Variants in CNTLN observed in about 807,000 individuals in gnomAD.
The protein encoded by CNTLN is centlein, centrosomal protein.
A neutral mutation model predicts 180.0 loss-of-function variants in CNTLN; 212 were observed. The ratio of observed to expected loss-of-function variants is 1.18; its 90% CI spans 1.05 to 1.32. CNTLN has a LOEUF of 1.32. Ranked by LOEUF, CNTLN falls within the 40% of genes most tolerant of loss-of-function variation. CNTLN has a pLI of 0.00. For synonymous variants in CNTLN, 722 were observed against 563.1 expected, an observed-to-expected ratio of 1.28 and a Z score of -3.99; for missense variants, 2,095 against 1,610.9, an observed-to-expected ratio of 1.30 and a Z score of -5.14.
chr9:17,491,439 T>C (rs1320233692), intron 25 of CNTLN, among the ~76,000 whole-genome samples: 3 of 152,162 alleles, frequency 2.0e-5, no homozygotes, highest in Non-Finnish European at 4.4e-5. Flanking sequence ...CATTAAAATA[T>C]GTATATATGT....
intron 6 of CNTLN, among the ~76,000 whole-genome samples, chr9:17,275,399 A>G (rs750724400): frequency 1.2e-4 from 18 of 152,258 alleles, no homozygotes; most frequent in Non-Finnish European, 2.1e-4. Context: ...ACATTTATCA[A>G]TGACAACATT....
At chr9:17,489,458 T>C (rs1833039947) in intron 25 of CNTLN, among the ~76,000 whole-genome samples, 1 of 152,124 alleles carries the variant, frequency 6.6e-6, no homozygotes, top group Non-Finnish European at 1.5e-5. Flanking sequence ...TTATGTCCTC[T>C]CTGTGTGTTG....
intron 5 of CNTLN, among the ~76,000 whole-genome samples, chr9:17,264,937 G>T (rs12553473): frequency 0.46 from 63,954 of 139,794 alleles, 15,498 homozygotes; most frequent in South Asian, 0.69. Context: ...AAGGAGATTT[G>T]GGGCTGAGAC....
intron 2 of CNTLN, among the ~76,000 whole-genome samples, chr9:17,211,202 G>A (rs963345324): frequency 2.0e-5 from 3 of 152,188 alleles, no homozygotes; most frequent in Admixed American, 6.5e-5. Context: ...TAACGTTTAA[G>A]TCTTTAATCC....
chr9:17,290,512 C>A (rs1300922930), intron 6 of CNTLN, among the ~76,000 whole-genome samples: 3 of 145,358 alleles, frequency 2.1e-5, no homozygotes, highest in African/African-American at 7.6e-5. Flanking sequence ...GCAGGCAGGC[C>A]TCCTTGAGCT....
At chr9:17,364,619 A>G (rs1823658816) in intron 12 of CNTLN, among the ~76,000 whole-genome samples, 1 of 152,052 alleles carries the variant, frequency 6.6e-6, no homozygotes, top group Admixed American at 6.6e-5. Flanking sequence ...ACATTATCCC[A>G]TTTTGGGCAG....
At chr9:17,427,146 T>C (rs1389306518) in intron 18 of CNTLN, among the ~76,000 whole-genome samples, 1 of 152,122 alleles carries the variant, frequency 6.6e-6, no homozygotes, top group East Asian at 1.9e-4. Flanking sequence ...CAGCTCCTGC[T>C]CCCACAATTC....
At chr9:17,210,937 T>G (rs1046271187) in intron 2 of CNTLN, among the ~76,000 whole-genome samples, 3 of 152,212 alleles carry the variant, frequency 2.0e-5, no homozygotes, top group African/African-American at 7.2e-5. Context: ...TTGAGTTCAT[T>G]GTAGATTCTG....
chr9:17,375,421 G>A (rs916430088), intron 13 of CNTLN, among the ~76,000 whole-genome samples: 6 of 152,176 alleles, frequency 3.9e-5, no homozygotes, highest in African/African-American at 1.2e-4. Flanking sequence ...AAAGTTAAGT[G>A]CTTGAGGTGA....
At chr9:17,266,818 T>G (rs553008290) in intron 5 of CNTLN, among the ~76,000 whole-genome samples, 1 of 152,190 alleles carries the variant, frequency 6.6e-6, no homozygotes. Flanking sequence ...CTTTTGATCT[T>G]TGTTGGTTTG....
rs185544834 is a variant in CNTLN, at chr9:17,260,898, C to T, written c.850-12835C>T. ...GTTTCAATCTTCCGCATTTGGCTAGCCAGTTATCTCAGCACCATTTATTGA... is the reference window on the plus strand; with the variant it reads ...GTTTCAATCTTCCGCATTTGGCTAGTCAGTTATCTCAGCACCATTTATTGA... On this transcript the variant is annotated intron_variant, in intron 5 of 25. Transcript: ENST00000380647. Among the ~76,000 whole-genome samples, 770 of 151,540 alleles carry T rather than the reference C, an allele frequency of 5.1e-3. 5 individuals carry two copies. Among genetic ancestry groups the T allele is most frequent in the Admixed American group, 7.9e-3 (121 of 15,242 alleles).
At chr9:17,299,796 C>T in intron 7 of CNTLN, 2 of 984,262 alleles carry the variant, frequency 2.0e-6, no homozygotes, top group Non-Finnish European at 2.4e-6. Flanking sequence ...TCTTTTTCCC[C>T]CATTGATGAC....
chr9:17,236,489 A>C lies in CNTLN; in HGVS notation c.750A>C (p.Leu250Phe). The C allele has an allele frequency of 6.2e-7, 1 of 1,613,786 alleles. No homozygotes were observed. The highest frequency in any genetic ancestry group is 8.5e-7 in the Non-Finnish European group (1 of 1,179,762). Residue 250 changes from leucine to phenylalanine, a missense_variant, in exon 5 of 26, where the codon TTA (leucine) becomes TTC (phenylalanine). Transcript: ENST00000380647. ...ATCTGGAGGAGGAAAACAAGAAATT[A>C]AGTACCCGCTGCACTGACCTGCTAA... ...IKNLEEENKK[L>F]STRCTDLLND...
chr9:17,225,586 C>T (rs1824414525), intron 2 of CNTLN, among the ~76,000 whole-genome samples: 1 of 151,940 alleles, frequency 6.6e-6, no homozygotes, highest in Non-Finnish European at 1.5e-5. Flanking sequence ...TTTGTTCCTT[C>T]CTTTCCCTTT....
intron 23 of CNTLN, among the ~76,000 whole-genome samples, chr9:17,474,613 A>T (rs575467672): frequency 2.0e-5 from 3 of 152,162 alleles, no homozygotes; most frequent in Non-Finnish European, 2.9e-5. Flanking sequence ...TCACGCCTGT[A>T]ATCCCAGCAC....
chr9:17,523,092 A>C, the CNTLN span, among the ~76,000 whole-genome samples: 1 of 152,156 alleles, frequency 6.6e-6, no homozygotes. Flanking sequence ...AGAGGCCCCC[A>C]GTTTCATCAC....
intron 5 of CNTLN, among the ~76,000 whole-genome samples, chr9:17,247,474 T>G (rs1020137805): frequency 6.6e-6 from 1 of 152,226 alleles, no homozygotes; most frequent in African/African-American, 2.4e-5. Flanking sequence ...ACACAATTTC[T>G]GTCTCTGCAC....
chr9:17,516,479 T>C, the CNTLN span, among the ~76,000 whole-genome samples: 1 of 152,200 alleles, frequency 6.6e-6, no homozygotes, highest in Non-Finnish European at 1.5e-5. Flanking sequence ...AGGGTATAAC[T>C]TTATACCCTT....
chr9:17,397,761 A>G (rs1447753605), intron 15 of CNTLN, among the ~76,000 whole-genome samples: 2 of 152,142 alleles, frequency 1.3e-5, no homozygotes, highest in Non-Finnish European at 2.9e-5. Context: ...ACAAGGTCAC[A>G]TACTTTGAGA....
Sources: gnomAD v4.1 joint callset for allele counts (sites outside exome capture counted in the v4.1 genomes callset) on GRCh38, gnomAD v4.1.1 for gene constraint, MANE v1.5 for transcripts, NCBI Gene and HGNC (gene_info 2026-07-23, HGNC 2026-07-21) for gene names.